The following KLHDC8A variants were observed in gnomAD, a reference collection of about 807,000 sequenced individuals.
KLHDC8A encodes the protein kelch domain containing 8A.
KLHDC8A carries 21 observed loss-of-function variants against 33.1 expected under a neutral mutation model. That is an observed-to-expected ratio of 0.64 (90% CI 0.45 to 0.91). The LOEUF is 0.91. KLHDC8A is among the 40% of genes least tolerant of loss of function. The pLI is 0.00. For synonymous variants in KLHDC8A, 173 were observed against 193.5 expected, an observed-to-expected ratio of 0.89 and a Z score of 0.88; for missense variants, 435 against 483.3, an observed-to-expected ratio of 0.90 and a Z score of 0.94.
Position 205,337,222 on chromosome 1 carries a change from G to C in KLHDC8A, c.*177C>G. On this transcript the variant is annotated 3_prime_UTR_variant, in exon 6 of 6. Transcript: ENST00000367155. ...ATCTGTGCCTCTTACAGTTTTCTGA[G>C]ATTGGTAGGATTTGGAGCTATAGAG... The C allele has an allele frequency of 1.7e-6, 1 of 598,844 alleles. No homozygotes were observed. Among genetic ancestry groups the C allele is most frequent in the East Asian group, 2.8e-5 (1 of 35,532 alleles). 37.1% of individuals were successfully genotyped at this position (598,844 alleles called of 1,614,324 possible).
intron 2 of KLHDC8A, among the ~76,000 whole-genome samples, chr1:205,340,093 C>T (rs529848964): frequency 6.6e-6 from 1 of 152,228 alleles, no homozygotes; most frequent in African/African-American, 2.4e-5. Flanking sequence ...TGGTTCACTG[C>T]AACCTTGACC....
In KLHDC8A at chr1:205,339,236, G is replaced by A. The variant is rs748179163; in HGVS notation, c.715C>T (p.Pro239Ser). ...ACGTCCATCGTCCGCAGGAACTTGG[G>A]CTGCCGGTAGAGGCGACCTTGCCGC... is the stretch of plus-strand genomic sequence containing the variant. Reference protein sequence around the residue: ...GLRQGRLYRQPKFLRTMDVFD... With the variant: ...GLRQGRLYRQSKFLRTMDVFD... The change falls in exon 4 of 6, where the codon CCC becomes TCC. Residue 239 changes from proline to serine, a missense_variant. Coordinates refer to ENST00000367155, the MANE Select transcript of KLHDC8A (RefSeq NM_018203.3). The surrounding 1 kb of genome is among the most constrained non-coding windows in gnomAD (Gnocchi z 5.1). 2 of 1,614,192 alleles carry A rather than the reference G, an allele frequency of 1.2e-6. No homozygotes were observed. The highest frequency in any genetic ancestry group is 1.7e-6 in the Non-Finnish European group (2 of 1,180,018).
At chr1:205,351,195 C>G in intron 1 of KLHDC8A, 1 of 762,528 alleles carries the variant, frequency 1.3e-6, no homozygotes, top group Non-Finnish European at 2.4e-6. Context: ...TTGATCATCA[C>G]TGCTCACTTT....
intron 2 of KLHDC8A, among the ~76,000 whole-genome samples, chr1:205,341,676 A>C (rs1662792680): frequency 6.6e-6 from 1 of 150,530 alleles, no homozygotes; most frequent in African/African-American, 2.5e-5. Flanking sequence ...TTTGATACGG[A>C]GTCTTGCTCT....
intron 1 of KLHDC8A, among the ~76,000 whole-genome samples, chr1:205,355,465 T>C (rs1404723810): frequency 6.6e-6 from 1 of 152,244 alleles, no homozygotes; most frequent in Non-Finnish European, 1.5e-5. Context: ...TATGTTAGCA[T>C]GATAATAACC....
chr1:205,339,527 G>A lies in KLHDC8A; in HGVS notation c.541+117C>T. ...TCATACAGGAAGCTCCCGGTGGGCT[G>A]GGCAGTGTGATTATCCCCAGTGCCG... On this transcript the variant is annotated intron_variant, in intron 3 of 5. Transcript: ENST00000367155. This position sits in a 1 kb window ranked among gnomAD's most constrained non-coding sequence, Gnocchi z 5.1. 1.4e-6 allele frequency: 2 copies of A among 1,420,116 alleles called. No individual in the cohort carries two copies. The allele number at this position is 1,420,116 out of a possible 1,614,324, so 88.0% of individuals were successfully genotyped here. A position where few individuals can be genotyped will look rare whatever the true frequency, so the allele number is the denominator to read the frequency against.
At position 205,339,816 on chromosome 1, in the gene KLHDC8A, G is replaced by A; in HGVS notation, c.377-8C>T. On this transcript the variant is annotated splice_polypyrimidine_tract_variant and splice_region_variant and intron_variant, in intron 2 of 5. Transcript: ENST00000367155. This position sits in a 1 kb window ranked among gnomAD's most constrained non-coding sequence, Gnocchi z 5.1. Reference sequence around the variant, plus strand: ...CCGCATATACTCGGTAATCTAAGAAGAAAGGCCATACATGCCCCTGGCTTA... The same window carrying A: ...CCGCATATACTCGGTAATCTAAGAAAAAAGGCCATACATGCCCCTGGCTTA... 6.2e-7 allele frequency: 1 copy of A among 1,612,916 alleles called. No individual in the cohort carries two copies. The highest frequency in any genetic ancestry group is 8.5e-7 in the Non-Finnish European group (1 of 1,179,378).
At chr1:205,344,538 G>C (rs1000865751) in intron 1 of KLHDC8A, 8 of 152,362 alleles carry the variant, frequency 5.3e-5, no homozygotes, top group Non-Finnish European at 1.0e-4. Context: ...TGTGGGGGCG[G>C]GCTTTTGTGT....
At chr1:205,343,853 CG>C in intron 1 of KLHDC8A, 60 bp from the exon 2 acceptor site, 1 of 486,276 alleles carries the variant, frequency 2.1e-6, no homozygotes, top group Non-Finnish European at 3.6e-6. Flanking sequence ...CGGCGGGCAG[CG>C]GATGGGCTCC....
In KLHDC8A at chr1:205,337,010, G is replaced by A. The variant is rs918061405; in HGVS notation, c.*389C>T. 1.3e-4 allele frequency: 28 copies of A among 216,350 alleles called. No homozygotes were observed. Among genetic ancestry groups the A allele is most frequent in the Admixed American group, 1.2e-3 (23 of 19,178 alleles). The allele number at this position is 216,350 out of a possible 1,614,324, so 13.4% of individuals were successfully genotyped here. A position where few individuals can be genotyped will look rare whatever the true frequency, so the allele number is the denominator to read the frequency against. On this transcript the variant is annotated 3_prime_UTR_variant, in exon 6 of 6. Coordinates refer to ENST00000367155, the MANE Select transcript of KLHDC8A (RefSeq NM_018203.3). The stretch of plus-strand genomic sequence containing the variant: ...CCTAAGCTACCTTAAAACTAGTTCA[G>A]AGCTGGGGAAAGACAGCAACAGCAG...
At chr1:205,356,424 T>C in intron 1 of KLHDC8A, 109 bp downstream of exon 1, 1 of 423,864 alleles carries the variant, frequency 2.4e-6, no homozygotes, top group Non-Finnish European at 4.8e-6. Context: ...TGCCAGCCTG[T>C]CTACCTGGGC....
chr1:205,343,799 G>T lies in KLHDC8A; in HGVS notation c.-189-6C>A, dbSNP rs1030467712. The T allele has an allele frequency of 2.3e-5, 14 of 609,774 alleles. No individual in the cohort carries two copies. In the East Asian group the frequency reaches 4.2e-4, roughly 18 times the overall value. The allele number at this position is 609,774 out of a possible 1,614,324, so 37.8% of individuals were successfully genotyped here. On this transcript the variant is annotated splice_region_variant and splice_polypyrimidine_tract_variant and intron_variant, in intron 1 of 5. Transcript: ENST00000367155. ...GGCGGCGTCCACGCCTGGCCCTGCG[G>T]GGGGAACGCGGTGAATCAAGGGCAG...
intron 1 of KLHDC8A, among the ~76,000 whole-genome samples, chr1:205,354,098 T>A (rs1663197248): frequency 6.6e-6 from 1 of 152,180 alleles, no homozygotes. Context: ...AATTGGGACT[T>A]AGGCTTTAGG....
At chr1:205,349,636 G>A (rs182336977) in intron 1 of KLHDC8A, among the ~76,000 whole-genome samples, 17 of 152,308 alleles carry the variant, frequency 1.1e-4, no homozygotes, top group African/African-American at 3.6e-4. Flanking sequence ...GCTTACTGAG[G>A]AAATCGTAAG....
rs1402045909 is a variant in KLHDC8A, at chr1:205,353,228, T to C, written c.-190+3305A>G. 2.6e-5 allele frequency among the ~76,000 whole-genome samples: 4 copies of C among 152,262 alleles called. No individual in the cohort carries two copies. The East Asian group carries it at 7.7e-4, about 29-fold the overall frequency. ...AAATCTAAGAACAATTTTTACATTT[T>C]TAAATGATTGGGGAAAAAAAATCAA... On this transcript the variant is annotated intron_variant, in intron 1 of 5. Coordinates refer to ENST00000367155, the MANE Select transcript of KLHDC8A (RefSeq NM_018203.3).
rs2102286754 is a variant in KLHDC8A at position 205,343,711 on chromosome 1, C to A, written c.-107G>T. ...CCCTATCGCCACCTCCATCTGGCTC[C>A]CGAGCGCCGGACCCAGCCAGACCCC... is the stretch of plus-strand genomic sequence containing the variant. On this transcript the variant is annotated 5_prime_UTR_variant, in exon 2 of 6. Transcript: ENST00000367155. The A allele has an allele frequency of 3.9e-6, 5 of 1,270,868 alleles. No homozygotes were observed. In the Admixed American group the frequency reaches 1.4e-4, roughly 36 times the overall value. 78.7% of individuals were successfully genotyped at this position (1,270,868 alleles called of 1,614,324 possible). A position where few individuals can be genotyped will look rare whatever the true frequency, so the allele number is the denominator to read the frequency against.
chr1:205,339,451 C>G lies in KLHDC8A; in HGVS notation c.542-42G>C. 6.3e-7 allele frequency: 1 copy of G among 1,575,232 alleles called. No individual in the cohort carries two copies. The highest frequency in any genetic ancestry group is 1.7e-5 in the Admixed American group (1 of 58,356). On this transcript the variant is annotated intron_variant, in intron 3 of 5. Transcript: ENST00000367155. The surrounding 1 kb of genome is among the most constrained non-coding windows in gnomAD (Gnocchi z 5.1). ...GATAGAGGTTGGGCAGAAGGGTTGT[C>G]CCTGAGGACAGCGACAGTGAAAAGG...
chr1:205,340,766 C>T (rs921499353), intron 2 of KLHDC8A, among the ~76,000 whole-genome samples: 12 of 152,356 alleles, frequency 7.9e-5, no homozygotes, highest in South Asian at 2.1e-4. Context: ...TGAGCCACCA[C>T]GCCTGGCTTC....
Position 205,339,452 on chromosome 1 carries a change from C to T in KLHDC8A, c.542-43G>A, listed in dbSNP as rs1662728814. 1.3e-6 allele frequency: 2 copies of T among 1,570,650 alleles called. No individual in the cohort carries two copies. Among genetic ancestry groups the T allele is most frequent in the Admixed American group, 1.7e-5 (1 of 58,192 alleles). ...ATAGAGGTTGGGCAGAAGGGTTGTCCCTGAGGACAGCGACAGTGAAAAGGG... is the reference window on the plus strand; with the variant it reads ...ATAGAGGTTGGGCAGAAGGGTTGTCTCTGAGGACAGCGACAGTGAAAAGGG... On this transcript the variant is annotated intron_variant, in intron 3 of 5. Coordinates refer to ENST00000367155, the MANE Select transcript of KLHDC8A (RefSeq NM_018203.3). The surrounding 1 kb of genome is among the most constrained non-coding windows in gnomAD (Gnocchi z 5.1).
Sources: gnomAD v4.1 joint callset for allele counts (sites outside exome capture counted in the v4.1 genomes callset) on GRCh38, gnomAD v4.1.1 for gene constraint, Gnocchi (gnomAD v3.1) non-coding constraint, MANE v1.5 for transcripts, NCBI Gene and HGNC (gene_info 2026-07-23, HGNC 2026-07-21) for gene names.